VPS13D: variants seen among roughly 807,000 people sequenced by gnomAD.
The protein encoded by VPS13D is intermembrane lipid transfer protein VPS13D.
In VPS13D, 187 loss-of-function variants were observed where a neutral mutation model predicts 461.9. The observed-to-expected ratio is 0.40, with a 90% CI of 0.36 to 0.46. The LOEUF is 0.46. Ranked by LOEUF, VPS13D falls within the 20% of genes least tolerant of loss-of-function variation. The probability of loss-of-function intolerance (pLI) is 0.60; values close to 1 mark genes in which losing one functional copy is unlikely to be tolerated. For synonymous variants in VPS13D, 1,951 were observed against 1,986.3 expected, an observed-to-expected ratio of 0.98 and a Z score of 0.47; for missense variants, 4,711 against 5,364.9, an observed-to-expected ratio of 0.88 and a Z score of 3.81.
chr1:12,435,206 A>T (rs990114082), intron 65 of VPS13D, among the ~76,000 whole-genome samples: 1 of 152,030 alleles, frequency 6.6e-6, no homozygotes, highest in African/African-American at 2.4e-5. Flanking sequence ...TAAAAATGGT[A>T]CTAATATTTT....
intron 18 of VPS13D, among the ~76,000 whole-genome samples, chr1:12,273,546 A>G (rs935082975): frequency 1.3e-5 from 2 of 152,292 alleles, no homozygotes; most frequent in African/African-American, 2.4e-5. Context: ...GTGTGTACCC[A>G]TTAAACACCA....
At chr1:12,459,071 C>T (rs1645368722) in intron 66 of VPS13D, among the ~76,000 whole-genome samples, 1 of 152,190 alleles carries the variant, frequency 6.6e-6, no homozygotes, top group South Asian at 2.1e-4. Context: ...TGGGGTTGGC[C>T]AGTCACCCCC....
chr1:12,419,989 A>G (rs1644843049), intron 65 of VPS13D, among the ~76,000 whole-genome samples: 1 of 152,206 alleles, frequency 6.6e-6, no homozygotes, highest in Non-Finnish European at 1.5e-5. Flanking sequence ...TGGTATTATA[A>G]TCTTATGGGT....
At chr1:12,236,927 G>T (rs1317834868) in intron 2 of VPS13D, among the ~76,000 whole-genome samples, 1 of 152,056 alleles carries the variant, frequency 6.6e-6, no homozygotes, top group South Asian at 2.1e-4. Context: ...AGAAATTAAT[G>T]TGGGTCAGAG....
At chr1:12,489,459 AC>A (rs1363430084) in intron 67 of VPS13D, among the ~76,000 whole-genome samples, 1 of 152,244 alleles carries the variant, frequency 6.6e-6, no homozygotes, top group African/African-American at 2.4e-5. Flanking sequence ...CATCTTTCTT[AC>A]ATTTTCAATG....
intron 60 of VPS13D, among the ~76,000 whole-genome samples, chr1:12,391,306 A>G (rs1644423791): frequency 6.6e-6 from 1 of 152,178 alleles, no homozygotes; most frequent in South Asian, 2.1e-4. Flanking sequence ...ATCGTGCAGA[A>G]CCATTTGTGA....
At chr1:12,286,027 T>TCCTCTCCC (rs1641965726) in intron 21 of VPS13D, among the ~76,000 whole-genome samples, 1 of 122,748 alleles carries the variant, frequency 8.1e-6, no homozygotes, top group African/African-American at 3.1e-5. Flanking sequence ...CCTCTCCTCC[T>TCCTCTCCC]CTCCCCTCCC....
At chr1:12,325,465 G>A (rs749078840) in intron 35 of VPS13D, among the ~76,000 whole-genome samples, 15 of 151,758 alleles carry the variant, frequency 9.9e-5, no homozygotes, top group Non-Finnish European at 1.5e-4. Flanking sequence ...TCCCTTTTTT[G>A]TACAGGCTGG....
chr1:12,288,274 G>A lies in VPS13D; in HGVS notation c.5686G>A (p.Ala1896Thr). The A allele has an allele frequency of 2.5e-6, 4 of 1,614,148 alleles. No individual in the cohort carries two copies. Among genetic ancestry groups the A allele is most frequent in the Non-Finnish European group, 2.5e-6 (3 of 1,179,982 alleles). Residue 1896 changes from alanine to threonine, a missense_variant, in exon 22 of 70, where the codon GCA becomes ACA. Ala to Thr is a moderately conservative substitution (Grantham distance 58). Around this residue, in one of 3 missense-constraint regions of VPS13D, gnomAD observed 4,411 missense variants for 4,937.8 expected, o/e 0.89. Coordinates refer to ENST00000620676, the MANE Select transcript of VPS13D (RefSeq NM_015378.4). ...LNKTTSELAK[A>T]NVSKLVAHLE... ...TAAGACCACCAGTGAGCTTGCCAAA[G>A]CAAATGTGTCCAAATTAGTAGCACA... is the stretch of plus-strand genomic sequence containing the variant.
chr1:12,478,540 TG>T (rs1479145063), intron 67 of VPS13D: 7 of 313,632 alleles, frequency 2.2e-5, no homozygotes, highest in African/African-American at 1.3e-4. Context: ...GAGGCTGTCC[TG>T]TTTAACCCTC....
In VPS13D at chr1:12,291,013, T is replaced by TAA; in HGVS notation, c.5742_5743insAA (p.Gln1915AsnfsTer10). The TAA allele has an allele frequency of 6.2e-7, 1 of 1,612,070 alleles. No individual in the cohort carries two copies. The highest frequency in any genetic ancestry group is 8.5e-7 in the Non-Finnish European group (1 of 1,179,422). On this transcript the variant is annotated frameshift_variant, in exon 23 of 70. Transcript: ENST00000620676. LOFTEE classifies it high-confidence loss of function. Reference sequence around the variant, plus strand: ...TCATCCCTAGAGGGAGACCTGGCCTTACAGGGCAGCATTGGGAGTCTGTCT... The same window carrying TAA: ...TCATCCCTAGAGGGAGACCTGGCCTTAAACAGGGCAGCATTGGGAGTCTGTCT...
chr1:12,337,249 CTCTTT>C (rs1643472293), intron 39 of VPS13D: 1 of 152,042 alleles, frequency 6.6e-6, no homozygotes, highest in African/African-American at 2.4e-5. Flanking sequence ...ATTTCCAAAC[CTCTTT>C]TCTTATTGGA....
At chr1:12,455,202 A>G (rs531049634) in intron 65 of VPS13D, among the ~76,000 whole-genome samples, 146 of 152,364 alleles carry the variant, frequency 9.6e-4, no homozygotes, top group Non-Finnish European at 1.5e-3. Context: ...GGCTTTTGAC[A>G]AATGGAGCTT....
intron 67 of VPS13D, among the ~76,000 whole-genome samples, chr1:12,483,262 CTG>C (rs1214762242): frequency 6.6e-6 from 1 of 152,262 alleles, no homozygotes; most frequent in Non-Finnish European, 1.5e-5. Context: ...GTGCCAGATA[CTG>C]TACTCAGAAC....
rs1426336032 is a variant in VPS13D, at chr1:12,473,759, A to T, written c.12662+13363A>T. On this transcript the variant is annotated intron_variant, in intron 67 of 69. Transcript: ENST00000620676. This position sits in a 1 kb window ranked among gnomAD's most constrained non-coding sequence, Gnocchi z 4.2. ...CCCTGTCCCCGAATTCTTGCTGACC[A>T]CCTGCTAGAGTGTGAGGACTAGGAG... 6.6e-6 allele frequency among the ~76,000 whole-genome samples: 1 copy of T among 152,128 alleles called. No homozygotes were observed. Among genetic ancestry groups the T allele is most frequent in the Admixed American group, 6.5e-5 (1 of 15,280 alleles).
chr1:12,333,298 C>T lies in VPS13D; in HGVS notation c.8360C>T (p.Pro2787Leu). 3 of 1,614,146 alleles carry T rather than the reference C, an allele frequency of 1.9e-6. No homozygotes were observed. The highest frequency in any genetic ancestry group is 2.5e-6 in the Non-Finnish European group (3 of 1,179,994). The change falls in exon 38 of 70, where the codon CCT (proline) becomes CTT (leucine). Residue 2787 changes from proline to leucine, a missense_variant. By Grantham distance (98) the Pro-to-Leu change is moderately conservative. Around this residue, in one of 3 missense-constraint regions of VPS13D, gnomAD observed 4,411 missense variants for 4,937.8 expected, o/e 0.89. Coordinates refer to ENST00000620676, the MANE Select transcript of VPS13D (RefSeq NM_015378.4). The stretch of plus-strand genomic sequence containing the variant: ...CAGCAGGCAGCTAGTCGTCTCCATC[C>T]TCCTCGACTGAAGCTAGAAGCCAAG... ...WQQQAASRLH[P>L]PRLKLEAKAK...
intron 32 of VPS13D, among the ~76,000 whole-genome samples, chr1:12,320,423 C>G (rs549258826): frequency 6.6e-6 from 1 of 152,164 alleles, no homozygotes; most frequent in Non-Finnish European, 1.5e-5. Context: ...GCTTTACGAT[C>G]GGCCTTTTCA....
At chr1:12,394,220 G>A (rs1226780192) in intron 60 of VPS13D, among the ~76,000 whole-genome samples, 2 of 152,162 alleles carry the variant, frequency 1.3e-5, no homozygotes, top group Non-Finnish European at 1.5e-5. Context: ...TGACTGAGGG[G>A]CCATGATTCT....
At chr1:12,371,972 C>T (rs537560794) in intron 54 of VPS13D, among the ~76,000 whole-genome samples, 1 of 152,142 alleles carries the variant, frequency 6.6e-6, no homozygotes, top group African/African-American at 2.4e-5. Context: ...AGTGGCTAAA[C>T]GATTGTACAT....
Sources: gnomAD v4.1 joint callset for allele counts (sites outside exome capture counted in the v4.1 genomes callset) on GRCh38, gnomAD v4.1.1 for gene constraint, gnomAD v4.1.1 regional missense constraint, Gnocchi (gnomAD v3.1) non-coding constraint, MANE v1.5 for transcripts, NCBI Gene and HGNC (gene_info 2026-07-23, HGNC 2026-07-21) for gene names.